The following KIRREL1 variants were observed in gnomAD, a reference collection of about 807,000 sequenced individuals.
KIRREL1 encodes the protein kin of IRRE-like protein 1.
Under a neutral mutation model 83.3 loss-of-function variants are expected in KIRREL1, and 25 were observed. That is an observed-to-expected ratio of 0.30 (90% confidence interval 0.22 to 0.42). KIRREL1 has a LOEUF of 0.42. Among genes scored for constraint, KIRREL1 ranks in the 10% least tolerant of loss-of-function variants. The probability of loss-of-function intolerance (pLI) is 1.00; values close to 1 mark genes in which losing one functional copy is unlikely to be tolerated. For missense variants in KIRREL1, 812 were observed against 1,032.3 expected, an observed-to-expected ratio of 0.79 and a Z score of 2.92; for synonymous variants, 388 against 410.4, an observed-to-expected ratio of 0.95 and a Z score of 0.66.
At chr1:158,009,937 C>T (rs1489088842) in intron 1 of KIRREL1, among the ~76,000 whole-genome samples, 1 of 152,206 alleles carries the variant, frequency 6.6e-6, no homozygotes, top group Non-Finnish European at 1.5e-5. Context: ...ATTCAGGAGG[C>T]AGTATGGAAA....
At chr1:158,020,600 C>CTAAAAAAAAAAAA (rs1659978135) in intron 1 of KIRREL1, among the ~76,000 whole-genome samples, 1 of 83,678 alleles carries the variant, frequency 1.2e-5, no homozygotes. Flanking sequence ...TACAGTAAAT[C>CTAAAAAAAAAAAA]AAAAAAAAAA....
At chr1:158,059,558 G>A (rs1453822106) in intron 1 of KIRREL1, among the ~76,000 whole-genome samples, 2 of 152,094 alleles carry the variant, frequency 1.3e-5, no homozygotes, top group Non-Finnish European at 2.9e-5. Context: ...CTCCAGAGGT[G>A]GGGGCAGAAA....
chr1:158,029,747 C>T (rs1660272344), intron 1 of KIRREL1, among the ~76,000 whole-genome samples: 1 of 152,170 alleles, frequency 6.6e-6, no homozygotes, highest in South Asian at 2.1e-4. Flanking sequence ...TGACATTGCA[C>T]AATTTATCTG....
intron 1 of KIRREL1, among the ~76,000 whole-genome samples, chr1:158,071,027 A>G (rs1661496936): frequency 6.6e-6 from 1 of 152,070 alleles, no homozygotes; most frequent in Non-Finnish European, 1.5e-5. Context: ...GGGTGCTGCC[A>G]GGGCCCCCAG....
At chr1:158,065,240 A>G (rs775733790) in intron 1 of KIRREL1, among the ~76,000 whole-genome samples, 92 of 152,192 alleles carry the variant, frequency 6.0e-4, no homozygotes, top group Non-Finnish European at 1.1e-3. Flanking sequence ...ACAAGCCTGC[A>G]TTTCTTCCTG....
intron 1 of KIRREL1, 133 bp from the exon 2 acceptor site, chr1:158,075,980 A>AG: frequency 1.3e-6 from 1 of 762,732 alleles, no homozygotes. Flanking sequence ...TTGAGGCTGA[A>AG]GGGGGGCAGG....
In KIRREL1 at chr1:158,094,722, C is replaced by T. The variant is rs936624270; in HGVS notation, c.1876C>T (p.Arg626Cys). The T allele has an allele frequency of 2.5e-6, 4 of 1,613,112 alleles. No homozygotes were observed. The highest frequency in any genetic ancestry group is 2.2e-5 in the East Asian group (1 of 44,890). Residue 626 changes from arginine to cysteine, a missense_variant, in exon 15 of 15, where the codon CGT (arginine) becomes TGT (cysteine). Transcript: ENST00000359209. This position sits in a 1 kb window ranked among gnomAD's most constrained non-coding sequence, Gnocchi z 4.6. ...CAGGGCAGTGCTCTATGCTGACTAC[C>T]GTGCCCCTGGCCCTGCCCGCTTCGA... ...SSRAVLYADY[R>C]APGPARFDGR...
At chr1:158,007,678 G>A (rs1188494717) in intron 1 of KIRREL1, among the ~76,000 whole-genome samples, 1 of 151,978 alleles carries the variant, frequency 6.6e-6, no homozygotes. Flanking sequence ...CCGGGCTTCA[G>A]CTTGGAGCCT....
intron 1 of KIRREL1, among the ~76,000 whole-genome samples, chr1:158,043,284 G>T (rs1395817405): frequency 6.6e-6 from 1 of 152,126 alleles, no homozygotes; most frequent in African/African-American, 2.4e-5. Context: ...GGTGACATAG[G>T]CATGGGATAT....
chr1:158,002,973 TC>T (rs1345650505), intron 1 of KIRREL1, among the ~76,000 whole-genome samples: 1 of 152,106 alleles, frequency 6.6e-6, no homozygotes, highest in East Asian at 1.9e-4. Flanking sequence ...AAATCGAATC[TC>T]CCAACCTCTT....
At position 158,097,378 on chromosome 1, in the gene KIRREL1, C is replaced by T. The variant is rs1202554246; in HGVS notation, c.*2258C>T. On this transcript the variant is annotated 3_prime_UTR_variant, in exon 15 of 15. Transcript: ENST00000359209. The stretch of plus-strand genomic sequence containing the variant: ...TTTGGCTAGATTCTCTTATTTATCC[C>T]CTTTTAGCTTAAGTATTAGTTTCAT... 1 of 292,746 alleles carries T rather than the reference C, an allele frequency of 3.4e-6. No individual in the cohort carries two copies. Among genetic ancestry groups the T allele is most frequent in the Non-Finnish European group, 6.6e-6 (1 of 152,554 alleles). 18.1% of individuals were successfully genotyped at this position (292,746 alleles called of 1,614,324 possible). A position where few individuals can be genotyped will look rare whatever the true frequency, so the allele number is the denominator to read the frequency against.
intron 1 of KIRREL1, among the ~76,000 whole-genome samples, chr1:158,074,889 T>G (rs951426048): frequency 7.2e-5 from 11 of 152,104 alleles, no homozygotes; most frequent in Non-Finnish European, 4.4e-5. Flanking sequence ...AAGGTCAGAT[T>G]TGGGGATTGT....
intron 11 of KIRREL1, 124 bp downstream of exon 11, chr1:158,091,680 A>G: frequency 1.1e-6 from 1 of 878,984 alleles, no homozygotes; most frequent in Non-Finnish European, 1.8e-6. Context: ...GGGAGGGGAC[A>G]CACAGAGGGA....
intron 1 of KIRREL1, among the ~76,000 whole-genome samples, chr1:158,067,683 G>A (rs747732566): frequency 3.9e-5 from 6 of 152,344 alleles, no homozygotes; most frequent in South Asian, 4.1e-4. Flanking sequence ...ACAAGCCCAC[G>A]TCTCCTAACT....
chr1:158,061,233 C>T (rs923284882), intron 1 of KIRREL1, among the ~76,000 whole-genome samples: 2 of 152,122 alleles, frequency 1.3e-5, no homozygotes, highest in Non-Finnish European at 2.9e-5. Flanking sequence ...GGGAATATTG[C>T]CTGGTCCAGG....
chr1:158,023,157 C>T (rs1283013354), intron 1 of KIRREL1, among the ~76,000 whole-genome samples: 1 of 152,200 alleles, frequency 6.6e-6, no homozygotes, highest in Non-Finnish European at 1.5e-5. Flanking sequence ...TGTCCCTAGG[C>T]ATCATTCCAG....
intron 1 of KIRREL1, among the ~76,000 whole-genome samples, chr1:158,042,212 G>GGT (rs10577493): frequency 0.095 from 13,131 of 137,604 alleles, 705 homozygotes; most frequent in South Asian, 0.14. Context: ...TCTTCTCCAG[G>GGT]GTGTGTGTGT....
At chr1:158,056,121 C>G (rs960761161) in intron 1 of KIRREL1, among the ~76,000 whole-genome samples, 3 of 152,208 alleles carry the variant, frequency 2.0e-5, no homozygotes, top group Non-Finnish European at 4.4e-5. Context: ...TCCTCGCCCC[C>G]CCTCATCCTG....
intron 1 of KIRREL1, among the ~76,000 whole-genome samples, chr1:158,055,921 T>C (rs1306612844): frequency 1.3e-5 from 2 of 152,216 alleles, no homozygotes; most frequent in East Asian, 3.9e-4. Context: ...GCAGTAACTT[T>C]GGCAGCTTTA....
Sources: allele counts gnomAD v4.1 joint callset (sites outside exome capture counted in the v4.1 genomes callset), GRCh38; gene constraint gnomAD v4.1.1; non-coding constraint Gnocchi (gnomAD v3.1); transcripts MANE v1.5; gene names NCBI Gene and HGNC (gene_info 2026-07-23, HGNC 2026-07-21).